TMEM132C: variants seen among roughly 807,000 people sequenced by gnomAD.
The protein encoded by TMEM132C is protein phosphatase 1, regulatory subunit 152.
In TMEM132C, 29 loss-of-function variants were observed where a neutral mutation model predicts 61.4. The ratio of observed to expected loss-of-function variants is 0.47; its 90% CI spans 0.35 to 0.64. The LOEUF (loss-of-function observed/expected upper bound fraction) is 0.64. TMEM132C is among the 30% of genes least tolerant of loss of function. The pLI is 0.00. For missense variants in TMEM132C, 1,408 were observed against 1,476.9 expected (o/e 0.95, Z 0.76); for synonymous variants, 656 against 633.1 (o/e 1.04, Z -0.54).
At chr12:128,606,150 G>T (rs1876415921) in intron 3 of TMEM132C, among the ~76,000 whole-genome samples, 1 of 152,226 alleles carries the variant, frequency 6.6e-6, no homozygotes, top group African/African-American at 2.4e-5. Flanking sequence ...ACTTCCTGAA[G>T]TGTGACCTAA....
chr12:128,491,425 C>T (rs1871716322), intron 2 of TMEM132C, among the ~76,000 whole-genome samples: 1 of 152,214 alleles, frequency 6.6e-6, no homozygotes, highest in East Asian at 1.9e-4. Flanking sequence ...TCAGCAATGT[C>T]AGTGGGCTGC....
chr12:128,470,946 A>G (rs77876918), intron 2 of TMEM132C, among the ~76,000 whole-genome samples: 10,837 of 152,190 alleles, frequency 0.071, 1,245 homozygotes, highest in African/African-American at 0.24. Flanking sequence ...TGAACCATGC[A>G]TGTTTTCTGT....
chr12:128,458,068 G>A (rs1473230739), intron 2 of TMEM132C, among the ~76,000 whole-genome samples: 1 of 151,828 alleles, frequency 6.6e-6, no homozygotes, highest in Non-Finnish European at 1.5e-5. Context: ...AAGCCTAGCA[G>A]TGAACCCCAT....
intron 4 of TMEM132C, among the ~76,000 whole-genome samples, chr12:128,668,307 GA>G (rs902720882): frequency 6.6e-5 from 10 of 150,924 alleles, no homozygotes; most frequent in Admixed American, 6.6e-5. Context: ...GATGAAGGGG[GA>G]AAAAAGATGT....
At chr12:128,427,619 A>G (rs1367748703) in intron 2 of TMEM132C, among the ~76,000 whole-genome samples, 4 of 151,952 alleles carry the variant, frequency 2.6e-5, no homozygotes, top group Non-Finnish European at 5.9e-5. Flanking sequence ...GTGAGATCCA[A>G]GCTCTCGATA....
At chr12:128,532,343 GA>G (rs910003221) in intron 2 of TMEM132C, among the ~76,000 whole-genome samples, 14 of 146,816 alleles carry the variant, frequency 9.5e-5, no homozygotes, top group East Asian at 3.9e-4. Context: ...CTTTTCTAAA[GA>G]AAAAAAAAAG....
chr12:128,602,779 C>T (rs1009888594), intron 3 of TMEM132C, among the ~76,000 whole-genome samples: 1 of 152,192 alleles, frequency 6.6e-6, no homozygotes, highest in Admixed American at 6.5e-5. Context: ...CTTTAACGTC[C>T]TGGGGATTAG....
At chr12:128,369,084 G>A (rs1346937294) in intron 1 of TMEM132C, among the ~76,000 whole-genome samples, 1 of 152,222 alleles carries the variant, frequency 6.6e-6, no homozygotes, top group South Asian at 2.1e-4. Context: ...GGTAAGTCTA[G>A]TAAGGCATTT....
At chr12:128,539,266 G>C (rs1416953802) in intron 2 of TMEM132C, among the ~76,000 whole-genome samples, 1 of 152,122 alleles carries the variant, frequency 6.6e-6, no homozygotes, top group East Asian at 1.9e-4. Flanking sequence ...TGGTTTGATG[G>C]AACACATGCT....
chr12:128,539,587 C>T (rs11059751), intron 2 of TMEM132C, among the ~76,000 whole-genome samples: 81,355 of 152,020 alleles, frequency 0.54, 22,603 homozygotes, highest in Middle Eastern at 0.61. Context: ...CATTGCACTC[C>T]AGCCTGGGTG....
chr12:128,364,604 T>G (rs1006304698), intron 1 of TMEM132C, among the ~76,000 whole-genome samples: 1 of 152,144 alleles, frequency 6.6e-6, no homozygotes, highest in African/African-American at 2.4e-5. Context: ...CCCTAAATAT[T>G]TCCATTCAGA....
chr12:128,567,085 T>C (rs192287734), intron 3 of TMEM132C, among the ~76,000 whole-genome samples: 1 of 152,296 alleles, frequency 6.6e-6, no homozygotes, highest in East Asian at 1.9e-4. Flanking sequence ...TTCAGCTTAT[T>C]GACCCTTTAG....
intron 1 of TMEM132C, among the ~76,000 whole-genome samples, chr12:128,297,251 G>A (rs1431050222): frequency 6.6e-6 from 1 of 152,150 alleles, no homozygotes. Flanking sequence ...CTTGGCTCTG[G>A]TTAATTTTCT....
At chr12:128,452,241 G>A (rs1266319168) in intron 2 of TMEM132C, among the ~76,000 whole-genome samples, 1 of 151,730 alleles carries the variant, frequency 6.6e-6, no homozygotes, top group African/African-American at 2.4e-5. Flanking sequence ...CGAACTACAG[G>A]CATGCGCCAC....
chr12:128,450,648 G>A (rs559759663), intron 2 of TMEM132C, among the ~76,000 whole-genome samples: 48 of 152,146 alleles, frequency 3.2e-4, no homozygotes, highest in Non-Finnish European at 5.6e-4. Flanking sequence ...TTTATTGATG[G>A]CACAGAAGGA....
At chr12:128,388,918 C>T (rs894096273) in intron 1 of TMEM132C, among the ~76,000 whole-genome samples, 4 of 152,172 alleles carry the variant, frequency 2.6e-5, no homozygotes, top group East Asian at 1.9e-4. Context: ...AAACACATAC[C>T]AGATACTGAA....
intron 2 of TMEM132C, among the ~76,000 whole-genome samples, chr12:128,426,098 G>T (rs915965461): frequency 6.6e-6 from 1 of 152,224 alleles, no homozygotes; most frequent in Admixed American, 6.5e-5. Context: ...ACACCAGGCC[G>T]TGTTCCCTGT....
At chr12:128,652,622 C>T (rs1012946683) in intron 4 of TMEM132C, among the ~76,000 whole-genome samples, 1 of 152,234 alleles carries the variant, frequency 6.6e-6, no homozygotes, top group South Asian at 2.1e-4. Flanking sequence ...CTCCGGGAAA[C>T]GGGCCCAGGA....
chr12:128,476,614 C>T (rs1184121703), intron 2 of TMEM132C, among the ~76,000 whole-genome samples: 3 of 152,180 alleles, frequency 2.0e-5, no homozygotes, highest in African/African-American at 7.2e-5. Context: ...ACAGAATTTG[C>T]TAAAATCTCT....
Sources: allele counts gnomAD v4.1 joint callset (sites outside exome capture counted in the v4.1 genomes callset), GRCh38; gene constraint gnomAD v4.1.1; transcripts MANE v1.5; gene names NCBI Gene and HGNC (gene_info 2026-07-23, HGNC 2026-07-21).